Variants in SLURP2 observed in about 807,000 individuals in gnomAD.
SLURP2 encodes secreted LY6/PLAUR domain containing 2.
In SLURP2, 4 loss-of-function variants were observed where a neutral mutation model predicts 9.8. The observed-to-expected ratio is 0.41, with a 90% CI of 0.20 to 0.94. The LOEUF (loss-of-function observed/expected upper bound fraction) is 0.94, where lower values mean the gene tolerates loss of function less well. SLURP2 is among the 40% of genes least tolerant of loss of function. The pLI, the probability that SLURP2 is intolerant of heterozygous loss-of-function variation, is 0.32. For synonymous variants in SLURP2, 58 were observed against 56.2 expected (o/e 1.03, Z -0.15); for missense variants, 118 against 126.4 (o/e 0.93, Z 0.32).
At position 142,764,801 on chromosome 8, in the gene SLURP2, C is replaced by T; in HGVS notation, c.158-60G>A. On this transcript the variant is annotated intron_variant, in intron 2 of 2. Coordinates refer to ENST00000317543, the MANE Select transcript of SLURP2 (RefSeq NM_177458.3). Reference sequence around the variant, plus strand: ...GAGGCTCTGGTTTGCCCAGACCCTGCTGCCCCATCTGCCACTGAGCTGAGG... The same window carrying T: ...GAGGCTCTGGTTTGCCCAGACCCTGTTGCCCCATCTGCCACTGAGCTGAGG... The T allele has an allele frequency of 5.1e-6, 8 of 1,583,194 alleles. No individual in the cohort carries two copies. In the South Asian group the frequency reaches 6.7e-5, roughly 13 times the overall value.
At chr8:142,764,823 G>A (rs994838547) in intron 2 of SLURP2, 82 bp from the exon 3 acceptor site, 24 of 1,534,506 alleles carry the variant, frequency 1.6e-5, no homozygotes, top group Non-Finnish European at 1.9e-5. Context: ...CCACTGAGCT[G>A]AGGGTCAGAC....
In SLURP2 at chr8:142,769,787, A is replaced by G. The variant is rs1015757650; in HGVS notation, c.20T>C (p.Leu7Pro). Residue 7 changes from leucine to proline, a missense_variant, in exon 1 of 3, where the codon CTC becomes CCC. Coordinates refer to ENST00000317543, the MANE Select transcript of SLURP2 (RefSeq NM_177458.3). ...CAGGCTCAGGACGGCGGCCAGCAGG[A>G]GCCCAGTGCCGAGCTGCATGTTCTC... The part of the protein sequence containing the change: MQLGTG[L>P]LLAAVLSLQL... 1.2e-6 allele frequency: 2 copies of G among 1,600,048 alleles called. No homozygotes were observed. The highest frequency in any genetic ancestry group is 1.7e-6 in the Non-Finnish European group (2 of 1,175,350).
chr8:142,764,430 G>A lies in SLURP2; in HGVS notation c.*175C>T, dbSNP rs890823609. 2 of 745,628 alleles carry A rather than the reference G, an allele frequency of 2.7e-6. No homozygotes were observed. Among genetic ancestry groups the A allele is most frequent in the Non-Finnish European group, 4.6e-6 (2 of 432,160 alleles). The allele number at this position is 745,628 out of a possible 1,614,324, so 46.2% of individuals were successfully genotyped here. A position where few individuals can be genotyped will look rare whatever the true frequency, so the allele number is the denominator to read the frequency against. On this transcript the variant is annotated 3_prime_UTR_variant, in exon 3 of 3. Transcript: ENST00000317543. ...TGGGCCCCAGGCTTGGACGGCAGCA[G>A]ATTGAGGCAAGACTCCACGCAGGAC... is the stretch of plus-strand genomic sequence containing the variant.
Position 142,764,591 on chromosome 8 carries a change from G to A in SLURP2, c.*14C>T, listed in dbSNP as rs1814937585. 1 of 1,600,652 alleles carries A rather than the reference G, an allele frequency of 6.2e-7. No homozygotes were observed. Among genetic ancestry groups the A allele is most frequent in the South Asian group, 1.1e-5 (1 of 89,946 alleles). ...TGGGGGCTGAGCGTCCGGGGGCCTG[G>A]AGGAGGGCAGCCGTCAGTCATGGTT... On this transcript the variant is annotated 3_prime_UTR_variant, in exon 3 of 3. Coordinates refer to ENST00000317543, the MANE Select transcript of SLURP2 (RefSeq NM_177458.3).
intron 1 of SLURP2, 41 bp downstream of exon 1, chr8:142,769,714 G>A: frequency 1.3e-6 from 2 of 1,567,928 alleles, no homozygotes; most frequent in Non-Finnish European, 1.7e-6. Context: ...CTAGAGTGAT[G>A]GGGGCCTTGA....
intron 1 of SLURP2, among the ~76,000 whole-genome samples, chr8:142,767,576 G>A (rs1815044460): frequency 6.6e-6 from 1 of 152,158 alleles, no homozygotes; most frequent in African/African-American, 2.4e-5. Context: ...ACGCTCCCAA[G>A]GCCTCCCTGG....
chr8:142,769,546 T>TG (rs1815109728), intron 1 of SLURP2, among the ~76,000 whole-genome samples: 1 of 59,816 alleles, frequency 1.7e-5, no homozygotes, highest in African/African-American at 6.8e-5. Flanking sequence ...CTGAGAAGTG[T>TG]GGGGGCCAGT....
At chr8:142,766,377 G>C (rs951872734) in intron 1 of SLURP2, 1 of 151,716 alleles carries the variant, frequency 6.6e-6, no homozygotes, top group African/African-American at 2.4e-5. Flanking sequence ...CAGTCCTTTG[G>C]ATGTTAACCC....
chr8:142,764,670 T>C lies in SLURP2; in HGVS notation c.229A>G (p.Ser77Gly), dbSNP rs1814941880. The C allele has an allele frequency of 2.5e-6, 4 of 1,611,846 alleles. No homozygotes were observed. Among genetic ancestry groups the C allele is most frequent in the Non-Finnish European group, 3.4e-6 (4 of 1,179,334 alleles). ...MCHIGCPDIPSLGLGPYVSIA... is the reference protein window; with the variant it reads ...MCHIGCPDIPGLGLGPYVSIA... ...GATACGTAGGGGCCCAGGCCCAGGC[T>C]GGGGATATCGGGGCAGCCTATGTGG... Residue 77 changes from serine (S) to glycine (G), a missense_variant, in exon 3 of 3, where the codon AGC becomes GGC. Coordinates refer to ENST00000317543, the MANE Select transcript of SLURP2 (RefSeq NM_177458.3).
At chr8:142,769,356 G>T (rs1161867248) in intron 1 of SLURP2, among the ~76,000 whole-genome samples, 1 of 151,962 alleles carries the variant, frequency 6.6e-6, no homozygotes, top group Admixed American at 6.5e-5. Context: ...AGTCCCGGGA[G>T]GGTGGCCCCA....
intron 1 of SLURP2, among the ~76,000 whole-genome samples, chr8:142,765,945 A>G (rs1019203576): frequency 1.2e-4 from 18 of 150,882 alleles, no homozygotes; most frequent in African/African-American, 4.4e-4. Flanking sequence ...CCTGGGCGAC[A>G]GAGCAAGACT....
Position 142,769,785 on chromosome 8 carries a change from G to A in SLURP2, c.22C>T (p.Leu8=), listed in dbSNP as rs1429707695. 1 of 1,600,252 alleles carries A rather than the reference G, an allele frequency of 6.2e-7. No individual in the cohort carries two copies. The highest frequency in any genetic ancestry group is 8.5e-7 in the Non-Finnish European group (1 of 1,175,444). MQLGTGL[L]LAAVLSLQLA... is the part of the protein sequence containing the mutation. ...TGCAGGCTCAGGACGGCGGCCAGCA[G>A]GAGCCCAGTGCCGAGCTGCATGTTC... Residue 8 remains leucine, a synonymous_variant, in exon 1 of 3, where the codon CTG becomes TTG. Transcript: ENST00000317543.
At chr8:142,766,340 A>C (rs1384259283) in intron 1 of SLURP2, 6 of 152,132 alleles carry the variant, frequency 3.9e-5, no homozygotes, top group Non-Finnish European at 8.8e-5. Context: ...AATGCTTAAA[A>C]GGTAACTTAA....
chr8:142,769,682 G>T, intron 1 of SLURP2, 73 bp downstream of exon 1: 1 of 1,412,898 alleles, frequency 7.1e-7, no homozygotes, highest in Non-Finnish European at 9.8e-7. Flanking sequence ...CACAGCCCAG[G>T]GCTGGAGGGA....
rs75098234 is a variant in SLURP2 at position 142,767,900 on chromosome 8, A to G, written c.52+1855T>C. Among the ~76,000 whole-genome samples the G allele has an allele frequency of 5.9e-3, 824 of 140,772 alleles. 7 individuals are homozygous for G. The highest frequency in any genetic ancestry group is 0.017 in the Admixed American group (203 of 11,700). 92.4% of individuals were successfully genotyped at this position (140,772 alleles called of 152,430 possible). ...GGAGAGGCTTGCAGAATGAATGAATAAATGAATGAATGAATGAATGAATGA... is the reference window on the plus strand; with the variant it reads ...GGAGAGGCTTGCAGAATGAATGAATGAATGAATGAATGAATGAATGAATGA... On this transcript the variant is annotated intron_variant, in intron 1 of 2. Coordinates refer to ENST00000317543, the MANE Select transcript of SLURP2 (RefSeq NM_177458.3).
In SLURP2 at chr8:142,764,578, G is replaced by A. The variant is rs749306791; in HGVS notation, c.*27C>T. 1.3e-5 allele frequency: 21 copies of A among 1,597,294 alleles called. No homozygotes were observed. The highest frequency in any genetic ancestry group is 5.6e-5 in the South Asian group (5 of 89,618). On this transcript the variant is annotated 3_prime_UTR_variant, in exon 3 of 3. Coordinates refer to ENST00000317543, the MANE Select transcript of SLURP2 (RefSeq NM_177458.3). ...GCTGTGGGGGCTGTGGGGGCTGAGC[G>A]TCCGGGGGCCTGGAGGAGGGCAGCC...
intron 2 of SLURP2, 26 bp downstream of exon 2, chr8:142,765,010 G>C: frequency 6.4e-7 from 1 of 1,571,872 alleles, no homozygotes; most frequent in Non-Finnish European, 8.7e-7. Flanking sequence ...GAAGGACGTG[G>C]CCAGCCCACC....
At chr8:142,766,268 T>G (rs1277649945) in intron 1 of SLURP2, 1 of 152,232 alleles carries the variant, frequency 6.6e-6, no homozygotes, top group East Asian at 1.9e-4. Context: ...ATTGAATCAC[T>G]GTCTTTGTTT....
chr8:142,765,195 C>G, intron 1 of SLURP2, 55 bp from the exon 2 acceptor site: 1 of 1,402,480 alleles, frequency 7.1e-7, no homozygotes, highest in Non-Finnish European at 9.9e-7. Flanking sequence ...GTGTGGGCCA[C>G]CTTCTGCAGT....
Sources: gnomAD v4.1 joint callset for allele counts (sites outside exome capture counted in the v4.1 genomes callset) on GRCh38, gnomAD v4.1.1 for gene constraint, MANE v1.5 for transcripts, NCBI Gene and HGNC (gene_info 2026-07-23, HGNC 2026-07-21) for gene names.